HTT: variants seen among roughly 807,000 people sequenced by gnomAD.
HTT encodes huntington disease protein.
Under a neutral mutation model 362.3 loss-of-function variants are expected in HTT, and 104 were observed. The observed-to-expected ratio is 0.29, with a 90% confidence interval of 0.24 to 0.34. The LOEUF (loss-of-function observed/expected upper bound fraction) is 0.34, where lower values mean the gene tolerates loss of function less well. HTT is among the 10% of genes least tolerant of loss of function. The pLI is 1.00. For synonymous variants in HTT, 1,577 were observed against 1,548.7 expected (o/e 1.02, Z -0.43); for missense variants, 3,301 against 3,928.6 (o/e 0.84, Z 4.27).
intron 26 of HTT, among the ~76,000 whole-genome samples, chr4:3,149,037 T>C (rs975265765): frequency 6.6e-6 from 1 of 152,224 alleles, no homozygotes; most frequent in Non-Finnish European, 1.5e-5. Flanking sequence ...GGGAAATACC[T>C]AGCTTTAGTT....
chr4:3,146,873 C>G lies in HTT; in HGVS notation c.3220C>G (p.Leu1074Val), dbSNP rs1179947015. ...VGMATMILTL[L>V]SSAWFPLDLS... ...GATGGCCACAATGATTCTGACCCTG[C>G]TCTCGTCAGCTTGGTTCCCATTGGA... is the stretch of plus-strand genomic sequence containing the variant. The change falls in exon 25 of 67, where the codon CTC becomes GTC. Residue 1074 changes from leucine (L) to valine (V), a missense_variant. Around this residue, in one of 4 missense-constraint regions of HTT, gnomAD observed 2,316 missense variants for 2,658.5 expected, o/e 0.87. Transcript: ENST00000355072. 6.2e-7 allele frequency: 1 copy of G among 1,613,948 alleles called. No homozygotes were observed. The highest frequency in any genetic ancestry group is 1.3e-5 in the African/African-American group (1 of 74,922).
chr4:3,180,468 G>A (rs1329944996), intron 35 of HTT, 47 bp from the exon 36 acceptor site: 1 of 1,510,160 alleles, frequency 6.6e-7, no homozygotes, highest in Non-Finnish European at 8.9e-7. Context: ...TTTTCCAAAT[G>A]TAATTTCCAT....
intron 31 of HTT, among the ~76,000 whole-genome samples, chr4:3,173,609 C>T (rs1718092899): frequency 6.6e-6 from 1 of 151,934 alleles, no homozygotes; most frequent in Non-Finnish European, 1.5e-5. Flanking sequence ...ATAGAAGCAT[C>T]TTGGATATAT....
Position 3,225,708 on chromosome 4 carries a change from C to T in HTT, c.7813C>T (p.Arg2605Trp), listed in dbSNP as rs1307258964. ...EKLLLQINPE[R>W]ELGSMSYKLG... is the part of the protein sequence containing the mutation. Reference sequence around the variant, plus strand: ...GCTGCTGCTACAGATCAACCCCGAGCGGGAGCTGGGGAGCATGAGCTACAA... The same window carrying T: ...GCTGCTGCTACAGATCAACCCCGAGTGGGAGCTGGGGAGCATGAGCTACAA... Residue 2605 changes from arginine to tryptophan, a missense_variant, in exon 57 of 67, where the codon CGG becomes TGG. Physicochemically the swap from Arg to Trp is moderately radical, Grantham distance 101 (BLOSUM62 -3). This residue lies in a region of HTT where 753 missense variants were observed against 1,021.3 expected (regional missense o/e 0.74). Transcript: ENST00000355072. 4 of 1,614,038 alleles carry T rather than the reference C, an allele frequency of 2.5e-6. No individual in the cohort carries two copies. Among genetic ancestry groups the T allele is most frequent in the East Asian group, 2.2e-5 (1 of 44,858 alleles).
At chr4:3,094,177 T>C (rs919565179) in intron 2 of HTT, among the ~76,000 whole-genome samples, 2 of 151,898 alleles carry the variant, frequency 1.3e-5, no homozygotes, top group African/African-American at 2.4e-5. Flanking sequence ...GCACCGCCCT[T>C]AATCCATTTA....
intron 22 of HTT, 53 bp from the exon 23 acceptor site, chr4:3,142,713 T>TG: frequency 1.0e-6 from 1 of 978,386 alleles, no homozygotes; most frequent in South Asian, 1.9e-5. Context: ...ATTTGATCTT[T>TG]AAAAATATAT....
intron 19 of HTT, among the ~76,000 whole-genome samples, 170 bp from the exon 20 acceptor site, chr4:3,135,734 A>G (rs530023103): frequency 6.6e-6 from 1 of 152,330 alleles, no homozygotes; most frequent in South Asian, 2.1e-4. Context: ...GAATTGTGAG[A>G]GGAATGCCAC....
Position 3,140,587 on chromosome 4 carries a change from G to T in HTT, c.2876G>T (p.Ser959Ile). 1 of 1,614,130 alleles carries T rather than the reference G, an allele frequency of 6.2e-7. No homozygotes were observed. The change falls in exon 22 of 67, where the codon AGT (serine) becomes ATT (isoleucine). Residue 959 changes from serine (S) to isoleucine (I), a missense_variant. By Grantham distance (142) the Ser-to-Ile change is moderately radical (BLOSUM62 -2). Around this residue, in one of 4 missense-constraint regions of HTT, gnomAD observed 2,316 missense variants for 2,658.5 expected, o/e 0.87. Transcript: ENST00000355072. ...PVVAVARDQS[S>I]VYLKLLMHET... ...GTGGCCGTGGCAAGAGATCAAAGCAGTGTTTACCTGAAACTTCTCATGCAT... is the reference window on the plus strand; with the variant it reads ...GTGGCCGTGGCAAGAGATCAAAGCATTGTTTACCTGAAACTTCTCATGCAT...
At chr4:3,235,422 C>T (rs1721479919) in intron 62 of HTT, 24 bp downstream of exon 62, 3 of 1,537,130 alleles carry the variant, frequency 2.0e-6, no homozygotes, top group Middle Eastern at 1.7e-4. Context: ...GGCTGTCTTC[C>T]TCTGCACACG....
chr4:3,096,748 A>T (rs1713875963), intron 2 of HTT, among the ~76,000 whole-genome samples: 1 of 152,210 alleles, frequency 6.6e-6, no homozygotes, highest in East Asian at 1.9e-4. Context: ...TGCCTGTTTT[A>T]GGAAAGAAAG....
rs896930439 is a variant in HTT at position 3,173,127 on chromosome 4, T to C, written c.4162T>C (p.Ser1388Pro). ...MVQAEQENDT[S>P]GWFDVLQKVS... is the part of the protein sequence containing the mutation. Reference sequence around the variant, plus strand: ...GCAGGCGGAGCAGGAGAACGACACCTCGGGGTAACAGTTGTGGCAAGAATG... The same window carrying C: ...GCAGGCGGAGCAGGAGAACGACACCCCGGGGTAACAGTTGTGGCAAGAATG... The change falls in exon 31 of 67, where the codon TCG (serine) becomes CCG (proline). Residue 1388 changes from serine (S) to proline (P), a missense_variant. Physicochemically the swap from Ser to Pro is moderately conservative, Grantham distance 74 (BLOSUM62 -1). Transcript: ENST00000355072. 3.7e-6 allele frequency: 6 copies of C among 1,612,898 alleles called. No individual in the cohort carries two copies. Among genetic ancestry groups the C allele is most frequent in the Non-Finnish European group, 5.1e-6 (6 of 1,179,394 alleles).
At chr4:3,214,962 C>T (rs1034083534) in intron 50 of HTT, 148 bp from the exon 51 acceptor site, 3 of 627,694 alleles carry the variant, frequency 4.8e-6, no homozygotes, top group Admixed American at 2.9e-5. Context: ...CTAGTATTGT[C>T]TGTTTGTCTA....
chr4:3,109,222 C>T (rs866727928), intron 6 of HTT, among the ~76,000 whole-genome samples: 1 of 151,804 alleles, frequency 6.6e-6, no homozygotes, highest in Admixed American at 6.6e-5. Flanking sequence ...ATGTTTCTTT[C>T]TTTCTTTCTT....
At chr4:3,075,799 A>G (rs990432636) in intron 1 of HTT, among the ~76,000 whole-genome samples, 4 of 152,010 alleles carry the variant, frequency 2.6e-5, no homozygotes, top group Admixed American at 6.6e-5. Context: ...TTTAAGCACC[A>G]CCTAAGAGAT....
intron 29 of HTT, among the ~76,000 whole-genome samples, chr4:3,170,443 G>A (rs1717917661): frequency 6.6e-6 from 1 of 152,154 alleles, no homozygotes; most frequent in South Asian, 2.1e-4. Context: ...CTAGCCCTGT[G>A]TGAGCGCTGA....
intron 24 of HTT, 146 bp from the exon 25 acceptor site, chr4:3,146,651 A>G (rs1716618377): frequency 1.4e-6 from 1 of 690,296 alleles, no homozygotes; most frequent in Non-Finnish European, 2.5e-6. Flanking sequence ...TATAGGAAAG[A>G]TGTTAGTTGA....
At position 3,228,034 on chromosome 4, in the gene HTT, G is replaced by A. The variant is rs1293110572; in HGVS notation, c.7849-581G>A. 1.3e-5 allele frequency among the ~76,000 whole-genome samples: 2 copies of A among 152,212 alleles called. No homozygotes were observed. Among genetic ancestry groups the A allele is most frequent in the Admixed American group, 6.5e-5 (1 of 15,292 alleles). Reference sequence around the variant, plus strand: ...GGAAATGGCCCTTGGTGCCAAGAACGTGAGTTGGGGCTAGTGCCAGTGATG... The same window carrying A: ...GGAAATGGCCCTTGGTGCCAAGAACATGAGTTGGGGCTAGTGCCAGTGATG... On this transcript the variant is annotated intron_variant, in intron 57 of 66. Coordinates refer to ENST00000355072, the MANE Select transcript of HTT (RefSeq NM_001388492.1). This position sits in a 1 kb window ranked among gnomAD's most constrained non-coding sequence, Gnocchi z 4.3.
chr4:3,215,087 T>C, intron 50 of HTT, 23 bp from the exon 51 acceptor site: 1 of 1,571,282 alleles, frequency 6.4e-7, no homozygotes, highest in Non-Finnish European at 8.8e-7. Flanking sequence ...GAAATTCTTC[T>C]CTTTGTTCTG....
intron 2 of HTT, among the ~76,000 whole-genome samples, chr4:3,091,250 A>T (rs9996075): frequency 0.058 from 8,805 of 152,334 alleles, 447 homozygotes; most frequent in African/African-American, 0.14. Context: ...GTATGAATTT[A>T]TGATGGGTGT....
Sources: allele counts gnomAD v4.1 joint callset (sites outside exome capture counted in the v4.1 genomes callset), GRCh38; gene constraint gnomAD v4.1.1; regional missense constraint gnomAD v4.1.1; non-coding constraint Gnocchi (gnomAD v3.1); transcripts MANE v1.5; gene names NCBI Gene and HGNC (gene_info 2026-07-23, HGNC 2026-07-21).